The following EBF2 variants were observed in gnomAD, a reference collection of about 807,000 sequenced individuals.
The protein encoded by EBF2 is EBF transcription factor 2, also known as transcription factor COE2.
A neutral mutation model predicts 72.8 loss-of-function variants in EBF2; 21 were observed. The observed-to-expected ratio is 0.29, with a 90% CI of 0.20 to 0.42. The LOEUF is 0.42. Among genes scored for constraint, EBF2 ranks in the 10% least tolerant of loss-of-function variants. The pLI is 1.00. For synonymous variants in EBF2, 299 were observed against 274.2 expected, an observed-to-expected ratio of 1.09 and a Z score of -0.89; for missense variants, 637 against 731.2, an observed-to-expected ratio of 0.87 and a Z score of 1.49.
chr8:25,852,508 T>C (rs541253340), intron 14 of EBF2, among the ~76,000 whole-genome samples: 2 of 152,098 alleles, frequency 1.3e-5, no homozygotes, highest in Non-Finnish European at 2.9e-5. Flanking sequence ...AATGAGGCAT[T>C]CACACACACT....
At chr8:25,851,018 TGTGCTTG>T (rs1193078282) in intron 14 of EBF2, among the ~76,000 whole-genome samples, 3 of 152,020 alleles carry the variant, frequency 2.0e-5, no homozygotes, top group African/African-American at 7.2e-5. Context: ...AAAGGGCACT[TGTGCTTG>T]GGAGAGTCAG....
intron 6 of EBF2, among the ~76,000 whole-genome samples, chr8:25,984,341 A>G (rs992544716): frequency 3.9e-5 from 6 of 152,124 alleles, no homozygotes; most frequent in African/African-American, 1.4e-4. Context: ...CCCAAAACCC[A>G]GGTTTTCCAA....
At chr8:25,933,782 G>A (rs1489446677) in intron 6 of EBF2, among the ~76,000 whole-genome samples, 1 of 151,920 alleles carries the variant, frequency 6.6e-6, no homozygotes, top group African/African-American at 2.4e-5. Context: ...AGATAGTCTA[G>A]TATAAAAAAA....
intron 10 of EBF2, 37 bp from the exon 11 acceptor site, chr8:25,862,834 T>A: frequency 1.3e-6 from 2 of 1,515,462 alleles, no homozygotes; most frequent in Non-Finnish European, 1.8e-6. Flanking sequence ...GTTGGTATCC[T>A]GGCTATAAAG....
At chr8:25,907,286 GGT>G (rs201746830) in intron 7 of EBF2, among the ~76,000 whole-genome samples, 1,552 of 151,472 alleles carry the variant, frequency 0.01, 21 homozygotes, top group African/African-American at 0.027. Flanking sequence ...AGGGCATGAT[GGT>G]GCACACCTGT....
intron 7 of EBF2, among the ~76,000 whole-genome samples, chr8:25,895,228 A>T (rs1050164271): frequency 6.6e-6 from 1 of 152,256 alleles, no homozygotes; most frequent in African/African-American, 2.4e-5. Flanking sequence ...ATTGCAATGC[A>T]AAAGCAACAA....
At chr8:25,951,453 A>G (rs1038424459) in intron 6 of EBF2, among the ~76,000 whole-genome samples, 1 of 152,198 alleles carries the variant, frequency 6.6e-6, no homozygotes, top group African/African-American at 2.4e-5. Context: ...TGGTGGCACC[A>G]CTGGATGGAA....
intron 7 of EBF2, among the ~76,000 whole-genome samples, chr8:25,892,884 G>A (rs796889893): frequency 2.2e-4 from 34 of 152,240 alleles, no homozygotes; most frequent in African/African-American, 7.7e-4. Flanking sequence ...CCTGTCTAGC[G>A]CTGTGTCTGT....
chr8:25,937,804 T>G (rs1277248942), intron 6 of EBF2, among the ~76,000 whole-genome samples: 4 of 152,168 alleles, frequency 2.6e-5, no homozygotes, highest in Non-Finnish European at 5.9e-5. Context: ...TCACAAGCAC[T>G]TGGTGTTTTA....
intron 10 of EBF2, among the ~76,000 whole-genome samples, chr8:25,872,007 G>C (rs1802446859): frequency 6.6e-6 from 1 of 150,856 alleles, no homozygotes; most frequent in African/African-American, 2.4e-5. Context: ...TTTCCCAAAG[G>C]ATTAGTGCGA....
intron 1 of EBF2, among the ~76,000 whole-genome samples, chr8:26,042,841 C>T (rs1805628176): frequency 6.6e-6 from 1 of 152,026 alleles, no homozygotes; most frequent in African/African-American, 2.4e-5. Context: ...AACACAGAGT[C>T]CAGGTCTGGG....
intron 15 of EBF2, among the ~76,000 whole-genome samples, chr8:25,848,375 G>A (rs1801884049): frequency 6.6e-6 from 1 of 152,220 alleles, no homozygotes; most frequent in South Asian, 2.1e-4. Flanking sequence ...AGAATTTTGT[G>A]TGGCTGGGGA....
intron 7 of EBF2, among the ~76,000 whole-genome samples, chr8:25,905,012 A>G (rs1803011960): frequency 6.6e-6 from 1 of 152,198 alleles, no homozygotes; most frequent in Non-Finnish European, 1.5e-5. Context: ...ATGACAAATA[A>G]TGCAACTAAA....
At chr8:25,889,636 C>A (rs1293401483) in intron 8 of EBF2, 116 bp downstream of exon 8, 5 of 782,594 alleles carry the variant, frequency 6.4e-6, no homozygotes, top group South Asian at 1.8e-5. Context: ...AAAAAAAAAC[C>A]CACATTGTTC....
chr8:25,957,093 G>A (rs956366967), intron 6 of EBF2, among the ~76,000 whole-genome samples: 1 of 152,082 alleles, frequency 6.6e-6, no homozygotes, highest in Non-Finnish European at 1.5e-5. Context: ...ACATCCAAAA[G>A]CACCCACTTT....
intron 6 of EBF2, among the ~76,000 whole-genome samples, chr8:25,983,575 T>A (rs1374140502): frequency 6.6e-6 from 1 of 152,184 alleles, no homozygotes; most frequent in Non-Finnish European, 1.5e-5. Flanking sequence ...GGGACTGGGT[T>A]GTGGGTTCCT....
intron 6 of EBF2, among the ~76,000 whole-genome samples, chr8:25,973,595 C>T (rs1057358808): frequency 5.9e-5 from 9 of 152,210 alleles, no homozygotes; most frequent in African/African-American, 2.2e-4. Flanking sequence ...ACAAACAACT[C>T]TCAAATCACA....
At chr8:25,946,210 T>C (rs1398256462) in intron 6 of EBF2, among the ~76,000 whole-genome samples, 1 of 152,212 alleles carries the variant, frequency 6.6e-6, no homozygotes, top group Non-Finnish European at 1.5e-5. Context: ...AATGAGGCAA[T>C]AACTAAGAAG....
At chr8:25,926,788 G>A (rs1318345791) in intron 6 of EBF2, among the ~76,000 whole-genome samples, 3 of 152,114 alleles carry the variant, frequency 2.0e-5, no homozygotes, top group South Asian at 2.1e-4. Context: ...AAGTACATTC[G>A]AGAGTTCTAT....
Sources: allele counts gnomAD v4.1 joint callset (sites outside exome capture counted in the v4.1 genomes callset), GRCh38; gene constraint gnomAD v4.1.1; transcripts MANE v1.5; gene names NCBI Gene and HGNC (gene_info 2026-07-23, HGNC 2026-07-21).